AMDHD1: variants seen among roughly 807,000 people sequenced by gnomAD.
AMDHD1 encodes probable imidazolonepropionase.
In AMDHD1, 45 loss-of-function variants were observed where a neutral mutation model predicts 44.1. The observed-to-expected ratio is 1.02, with a 90% CI of 0.80 to 1.31. The LOEUF (loss-of-function observed/expected upper bound fraction) is 1.31, where lower values mean the gene tolerates loss of function less well. Among genes scored for constraint, AMDHD1 ranks in the 50% most tolerant of loss-of-function variants. AMDHD1 has a pLI of 0.00. For missense variants in AMDHD1, 586 were observed against 552.1 expected (o/e 1.06, Z -0.61); for synonymous variants, 206 against 205.0 (o/e 1.00, Z -0.04).
At position 95,956,791 on chromosome 12, in the gene AMDHD1, A is replaced by G; in HGVS notation, c.416A>G (p.Gln139Arg). 1.2e-6 allele frequency: 2 copies of G among 1,614,230 alleles called. No homozygotes were observed. Among genetic ancestry groups the G allele is most frequent in the Non-Finnish European group, 1.7e-6 (2 of 1,180,032 alleles). Reference sequence around the variant, plus strand: ...GAGGAGGAGCTGTTCCGCTCCTTGCAGCAACGGCTCCAGTGCATGATGAGG... The same window carrying G: ...GAGGAGGAGCTGTTCCGCTCCTTGCGGCAACGGCTCCAGTGCATGATGAGG... ...ATEEELFRSLQQRLQCMMRAG... is the reference protein window; with the variant it reads ...ATEEELFRSLRQRLQCMMRAG... The change falls in exon 4 of 9, where the codon CAG becomes CGG. Residue 139 changes from glutamine to arginine, a missense_variant. Transcript: ENST00000266736.
intron 6 of AMDHD1, among the ~76,000 whole-genome samples, 164 bp downstream of exon 6, chr12:95,962,643 A>C (rs944550135): frequency 1.3e-5 from 2 of 152,230 alleles, no homozygotes; most frequent in African/African-American, 4.8e-5. Flanking sequence ...TGATGTTCGT[A>C]AACGAATTTC....
Position 95,966,524 on chromosome 12 carries a change from C to T in AMDHD1, c.1193+16C>T. The T allele has an allele frequency of 6.2e-7, 1 of 1,613,970 alleles. No homozygotes were observed. Among genetic ancestry groups the T allele is most frequent in the Non-Finnish European group, 8.5e-7 (1 of 1,179,982 alleles). ...ATTCATCCCGGTGAGTGTGCTTCAA[C>T]TTAGCTCTTTTATATTATGCCCACT... On this transcript the variant is annotated intron_variant, in intron 8 of 8. Coordinates refer to ENST00000266736, the MANE Select transcript of AMDHD1 (RefSeq NM_152435.3).
intron 1 of AMDHD1, among the ~76,000 whole-genome samples, chr12:95,949,139 T>TAAAAAAAAAAAAAAAAAAA (rs2080514406): frequency 2.1e-4 from 1 of 4,806 alleles, no homozygotes; most frequent in Non-Finnish European, 3.1e-4. Context: ...AAAAAATAAA[T>TAAAAAAAAAAAAAAAAAAA]TAAAAAAAAA....
intron 1 of AMDHD1, among the ~76,000 whole-genome samples, chr12:95,945,926 C>T (rs927093344): frequency 1.3e-5 from 2 of 151,970 alleles, no homozygotes; most frequent in African/African-American, 2.4e-5. Flanking sequence ...TTGAGGGACA[C>T]CAGAAACTCC....
intron 6 of AMDHD1, among the ~76,000 whole-genome samples, chr12:95,965,109 G>GC (rs925966505): frequency 6.6e-6 from 1 of 151,796 alleles, no homozygotes; most frequent in African/African-American, 2.4e-5. Context: ...GACCAGCCTG[G>GC]CCACCATGGT....
chr12:95,951,826 A>T (rs7966672), intron 1 of AMDHD1, among the ~76,000 whole-genome samples: 97,446 of 152,026 alleles, frequency 0.64, 32,132 homozygotes, highest in East Asian at 0.95. Flanking sequence ...ATTTCTCTGA[A>T]GATCATTGAT....
Position 95,966,442 on chromosome 12 carries a change from A to G in AMDHD1, c.1127A>G (p.Lys376Arg). The change falls in exon 8 of 9, where the codon AAG becomes AGG. Residue 376 changes from lysine (K) to arginine (R), a missense_variant. Physicochemically the swap from Lys to Arg is conservative, Grantham distance 26 (BLOSUM62 2). Coordinates refer to ENST00000266736, the MANE Select transcript of AMDHD1 (RefSeq NM_152435.3). ...ATCAATGCAGCTTATGCACTGGGAA[A>G]GTCTCACACACACGGATCGTTGGAA... ...ATINAAYALG[K>R]SHTHGSLEVG... is the part of the protein sequence containing the mutation. The G allele has an allele frequency of 6.2e-7, 1 of 1,614,252 alleles. No individual in the cohort carries two copies. The highest frequency in any genetic ancestry group is 8.5e-7 in the Non-Finnish European group (1 of 1,180,048).
intron 5 of AMDHD1, among the ~76,000 whole-genome samples, chr12:95,961,061 G>T (rs2080579081): frequency 6.6e-6 from 1 of 150,484 alleles, no homozygotes; most frequent in African/African-American, 2.5e-5. Flanking sequence ...CAGGAGAATT[G>T]CTTGAACTGG....
At chr12:95,965,392 T>C (rs1051761640) in intron 6 of AMDHD1, among the ~76,000 whole-genome samples, 2 of 152,020 alleles carry the variant, frequency 1.3e-5, no homozygotes, top group African/African-American at 4.8e-5. Context: ...AAACCATTTG[T>C]AAGTTATATT....
At chr12:95,966,249 C>A in intron 7 of AMDHD1, 99 bp from the exon 8 acceptor site, 1 of 1,389,106 alleles carries the variant, frequency 7.2e-7, no homozygotes, top group Non-Finnish European at 9.9e-7. Flanking sequence ...TCCTCCTATA[C>A]CTTTAACTGC....
rs1475416396 is a variant in AMDHD1 at position 95,956,907 on chromosome 12, C to T, written c.532C>T (p.Arg178Trp). 6.2e-7 allele frequency: 1 copy of T among 1,613,188 alleles called. No individual in the cohort carries two copies. Among genetic ancestry groups the T allele is most frequent in the East Asian group, 2.2e-5 (1 of 44,886 alleles). ...KMLRVIERAR[R>W]ELDIGISATY... ...GCTGCGCGTGATTGAGCGCGCCCGG[C>T]GGGAGCTGGACATCGGCATCTCGGC... The change falls in exon 4 of 9, where the codon CGG (arginine) becomes TGG (tryptophan). Residue 178 changes from arginine to tryptophan, a missense_variant. Physicochemically the swap from Arg to Trp is moderately radical, Grantham distance 101 (BLOSUM62 -3). Coordinates refer to ENST00000266736, the MANE Select transcript of AMDHD1 (RefSeq NM_152435.3).
At chr12:95,956,639 G>T (rs778451768) in intron 3 of AMDHD1, 46 bp from the exon 4 acceptor site, 2 of 1,599,380 alleles carry the variant, frequency 1.3e-6, no homozygotes, top group Non-Finnish European at 1.7e-6. Context: ...AGACCTCCCT[G>T]CAACTTCCTG....
At position 95,952,143 on chromosome 12, in the gene AMDHD1, C is replaced by T. The variant is rs2080528364; in HGVS notation, c.138-574C>T. ...TTGCCTGTTCTTGTGGGGTATCCCT[C>T]AAGAAATTGTTGCCTGAACCAATGT... On this transcript the variant is annotated intron_variant, in intron 1 of 8. Coordinates refer to ENST00000266736, the MANE Select transcript of AMDHD1 (RefSeq NM_152435.3). Among the ~76,000 whole-genome samples the T allele has an allele frequency of 1.3e-5, 2 of 152,184 alleles. 1 individual carries two copies. The highest frequency in any genetic ancestry group is 4.1e-4 in the South Asian group (2 of 4,826).
chr12:95,955,229 C>T (rs778628946), intron 3 of AMDHD1, among the ~76,000 whole-genome samples: 4 of 152,130 alleles, frequency 2.6e-5, no homozygotes, highest in Non-Finnish European at 5.9e-5. Flanking sequence ...CATTCCAAAT[C>T]GCTATCTCTA....
intron 5 of AMDHD1, among the ~76,000 whole-genome samples, chr12:95,961,867 T>A (rs1379017930): frequency 6.6e-6 from 1 of 152,250 alleles, no homozygotes; most frequent in African/African-American, 2.4e-5. Flanking sequence ...ACTAGCTAAT[T>A]TTCAAATGAG....
intron 1 of AMDHD1, among the ~76,000 whole-genome samples, chr12:95,948,163 T>G (rs1405031528): frequency 2.1e-4 from 13 of 62,300 alleles, no homozygotes; most frequent in East Asian, 9.4e-4. Context: ...GGGAGGGAGG[T>G]GGGGGGGTCG....
intron 4 of AMDHD1, among the ~76,000 whole-genome samples, chr12:95,957,440 T>G (rs760546551): frequency 1.3e-5 from 2 of 152,146 alleles, no homozygotes; most frequent in Non-Finnish European, 2.9e-5. Context: ...GCCTTCCCCT[T>G]TATCTAAAAG....
At chr12:95,955,116 C>T in intron 3 of AMDHD1, 141 bp downstream of exon 3, 2 of 784,570 alleles carry the variant, frequency 2.5e-6, no homozygotes, top group East Asian at 2.7e-5. Context: ...GTATGGGAAA[C>T]AAATGACAAC....
intron 1 of AMDHD1, among the ~76,000 whole-genome samples, chr12:95,949,140 T>TAAAAAAAAAAAAAAAAAAGAAAA (rs2080514477): frequency 2.2e-4 from 1 of 4,460 alleles, no homozygotes; most frequent in Non-Finnish European, 3.2e-4. Flanking sequence ...AAAAATAAAT[T>TAAAAAAAAAAAAAAAAAAGAAAA]AAAAAAAAAA....
Sources: gnomAD v4.1 joint callset for allele counts (sites outside exome capture counted in the v4.1 genomes callset) on GRCh38, gnomAD v4.1.1 for gene constraint, MANE v1.5 for transcripts, NCBI Gene and HGNC (gene_info 2026-07-23, HGNC 2026-07-21) for gene names.